The following PARVB variants were observed in gnomAD, a reference collection of about 807,000 sequenced individuals.
PARVB encodes the protein beta-parvin.
A neutral mutation model predicts 47.0 loss-of-function variants in PARVB; 46 were observed. That is an observed-to-expected ratio of 0.98 (90% CI 0.77 to 1.25). The LOEUF is 1.25. PARVB is among the 50% of genes most tolerant of loss of function. The pLI is 0.00. For missense variants in PARVB, 473 were observed against 471.6 expected, an observed-to-expected ratio of 1.00 and a Z score of -0.03; for synonymous variants, 196 against 196.3, an observed-to-expected ratio of 1.00 and a Z score of 0.01.
At chr22:44,035,732 G>C (rs1359869490) in intron 1 of PARVB, among the ~76,000 whole-genome samples, 1 of 151,702 alleles carries the variant, frequency 6.6e-6, no homozygotes, top group Non-Finnish European at 1.5e-5. Flanking sequence ...GTCCCATAGT[G>C]TTATTCAGGG....
intron 1 of PARVB, among the ~76,000 whole-genome samples, chr22:44,036,993 A>G (rs2050934095): frequency 1.3e-5 from 2 of 151,926 alleles, no homozygotes; most frequent in Admixed American, 1.3e-4. Flanking sequence ...CAAAATAATA[A>G]TCATAATAAA....
At chr22:44,079,789 A>G (rs1374651964) in intron 1 of PARVB, among the ~76,000 whole-genome samples, 1 of 152,142 alleles carries the variant, frequency 6.6e-6, no homozygotes, top group Non-Finnish European at 1.5e-5. Flanking sequence ...TTAGCCGGGC[A>G]TGGTGGTGGG....
chr22:44,151,264 G>T, intron 9 of PARVB: 1 of 512,668 alleles, frequency 2.0e-6, no homozygotes, highest in South Asian at 2.1e-5. Flanking sequence ...GGGTTGGTGA[G>T]CAGAGACGTG....
chr22:44,077,712 A>G lies in PARVB; in HGVS notation c.113-16216A>G, dbSNP rs73440632. Among the ~76,000 whole-genome samples the G allele has an allele frequency of 4.7e-3, 715 of 152,170 alleles. 7 individuals carry two copies. Among genetic ancestry groups the G allele is most frequent in the Middle Eastern group, 0.027 (8 of 294 alleles). ...CCACATGTGACTTTAAACCTTAGCA[A>G]TGATATTGGAGGGGGATAGTTACTC... On this transcript the variant is annotated intron_variant, in intron 1 of 12. Transcript: ENST00000338758.
At chr22:44,052,451 T>C (rs909287013) in intron 1 of PARVB, among the ~76,000 whole-genome samples, 4 of 152,180 alleles carry the variant, frequency 2.6e-5, no homozygotes, top group Non-Finnish European at 5.9e-5. Flanking sequence ...TCCCACCCCT[T>C]GAAAATGTCA....
chr22:44,065,093 GT>G (rs1286984590), intron 1 of PARVB, among the ~76,000 whole-genome samples: 1 of 152,010 alleles, frequency 6.6e-6, no homozygotes, highest in Admixed American at 6.6e-5. Context: ...CCTGCCCCAT[GT>G]GCCCCACTGA....
chr22:44,025,544 G>A (rs569624878), intron 1 of PARVB, among the ~76,000 whole-genome samples: 1 of 152,284 alleles, frequency 6.6e-6, no homozygotes, highest in East Asian at 1.9e-4. Context: ...GTGCCCCCAG[G>A]GATGCGTGTC....
At chr22:44,036,689 G>A (rs1478811894) in intron 1 of PARVB, among the ~76,000 whole-genome samples, 1 of 152,090 alleles carries the variant, frequency 6.6e-6, no homozygotes, top group Non-Finnish European at 1.5e-5. Flanking sequence ...TTTAATAGAA[G>A]GAGTGCGTTG....
At chr22:44,131,193 G>A (rs1319730727) in intron 4 of PARVB, among the ~76,000 whole-genome samples, 1 of 150,074 alleles carries the variant, frequency 6.7e-6, no homozygotes, top group Non-Finnish European at 1.5e-5. Context: ...CCAGGCTTGG[G>A]TGCAATGGCA....
intron 10 of PARVB, among the ~76,000 whole-genome samples, chr22:44,153,831 G>A (rs1356800970): frequency 6.6e-6 from 1 of 152,164 alleles, no homozygotes; most frequent in African/African-American, 2.4e-5. Context: ...TCATCAGCGG[G>A]AAGGCTGCAC....
intron 2 of PARVB, among the ~76,000 whole-genome samples, chr22:44,099,597 A>C (rs982410888): frequency 2.0e-5 from 3 of 151,832 alleles, no homozygotes; most frequent in Non-Finnish European, 4.4e-5. Context: ...TTGCATATTG[A>C]TTCTTTTCCA....
intron 3 of PARVB, 70 bp downstream of exon 3, chr22:44,100,193 C>A: frequency 8.0e-7 from 1 of 1,249,394 alleles, no homozygotes; most frequent in South Asian, 1.2e-5. Context: ...TCAGGGCTCT[C>A]ATGGACAAAG....
intron 1 of PARVB, among the ~76,000 whole-genome samples, chr22:44,029,444 G>T (rs2050785903): frequency 1.3e-5 from 2 of 152,194 alleles, no homozygotes; most frequent in South Asian, 4.1e-4. Context: ...AGCATTTGAT[G>T]TAGAGTTAAT....
chr22:44,161,479 A>G (rs2054052224), intron 11 of PARVB, among the ~76,000 whole-genome samples: 1 of 151,614 alleles, frequency 6.6e-6, no homozygotes, highest in Admixed American at 6.6e-5. Context: ...ATGCCTGGCT[A>G]ATTTTTGTAT....
intron 4 of PARVB, among the ~76,000 whole-genome samples, chr22:44,123,402 C>T (rs973599481): frequency 2.0e-5 from 3 of 152,008 alleles, no homozygotes; most frequent in African/African-American, 7.3e-5. Flanking sequence ...AGGGAGTGAA[C>T]CTGTGGTTGC....
chr22:44,092,991 G>T lies in PARVB; in HGVS notation c.113-937G>T, dbSNP rs183035360. Among the ~76,000 whole-genome samples, 726 of 152,384 alleles carry T rather than the reference G, an allele frequency of 4.8e-3. 2 individuals carry two copies. The highest frequency in any genetic ancestry group is 8.4e-3 in the Admixed American group (129 of 15,310). ...ACTGGCCTGGGTACCTTTGCAGCAT[G>T]TGATCAGGGACTGCTCCCCAGCGGC... On this transcript the variant is annotated intron_variant, in intron 1 of 12. Coordinates refer to ENST00000338758, the MANE Select transcript of PARVB (RefSeq NM_013327.5).
At chr22:44,159,834 G>T (rs920268310) in intron 11 of PARVB, among the ~76,000 whole-genome samples, 1 of 152,120 alleles carries the variant, frequency 6.6e-6, no homozygotes, top group Non-Finnish European at 1.5e-5. Context: ...GGATGTTGAT[G>T]GCATCCCTTG....
chr22:44,065,592 C>T (rs1440231234), intron 1 of PARVB, among the ~76,000 whole-genome samples: 1 of 152,162 alleles, frequency 6.6e-6, no homozygotes, highest in African/African-American at 2.4e-5. Context: ...GTGTACACTG[C>T]ACCCAATATG....
At chr22:44,093,228 G>A (rs1420353721) in intron 1 of PARVB, among the ~76,000 whole-genome samples, 1 of 152,220 alleles carries the variant, frequency 6.6e-6, no homozygotes. Context: ...GGCCTGCAGG[G>A]TCTCACTGGT....
Sources: allele counts gnomAD v4.1 joint callset (sites outside exome capture counted in the v4.1 genomes callset), GRCh38; gene constraint gnomAD v4.1.1; transcripts MANE v1.5; gene names NCBI Gene and HGNC (gene_info 2026-07-23, HGNC 2026-07-21).